Variants in COL19A1 observed in about 807,000 individuals in gnomAD.
The protein encoded by COL19A1 is collagen type XIX alpha 1 chain.
Under a neutral mutation model 190.2 loss-of-function variants are expected in COL19A1, and 159 were observed. The observed-to-expected ratio is 0.84, with a 90% CI of 0.73 to 0.95. The LOEUF (loss-of-function observed/expected upper bound fraction) is 0.95. Among genes scored for constraint, COL19A1 ranks in the 40% least tolerant of loss-of-function variants. COL19A1 has a pLI of 0.00. For synonymous variants in COL19A1, 509 were observed against 458.9 expected (o/e 1.11, Z -1.39); for missense variants, 1,418 against 1,431.9 (o/e 0.99, Z 0.16).
intron 7 of COL19A1, among the ~76,000 whole-genome samples, chr6:69,936,334 A>G (rs1171923284): frequency 1.3e-5 from 2 of 152,068 alleles, no homozygotes; most frequent in Non-Finnish European, 2.9e-5. Context: ...AAAAGAATTT[A>G]TTTTCTACTT....
chr6:70,009,764 G>C (rs1248978090), intron 11 of COL19A1, among the ~76,000 whole-genome samples: 3 of 152,116 alleles, frequency 2.0e-5, no homozygotes, highest in Non-Finnish European at 4.4e-5. Flanking sequence ...GGAAATAATA[G>C]AGTCAAAATG....
chr6:69,894,485 A>C (rs994318226), intron 2 of COL19A1, among the ~76,000 whole-genome samples: 29 of 152,252 alleles, frequency 1.9e-4, no homozygotes, highest in African/African-American at 6.5e-4. Context: ...GATTAAAGTC[A>C]TGTGAACTAA....
chr6:70,104,194 G>A (rs1461873654), intron 16 of COL19A1, among the ~76,000 whole-genome samples: 1 of 152,156 alleles, frequency 6.6e-6, no homozygotes, highest in African/African-American at 2.4e-5. Flanking sequence ...AGCATGAGCT[G>A]GGTGTCTGCA....
At chr6:70,197,170 C>T (rs1162052333) in intron 48 of COL19A1, among the ~76,000 whole-genome samples, 1 of 151,804 alleles carries the variant, frequency 6.6e-6, no homozygotes, top group Non-Finnish European at 1.5e-5. Context: ...CCTGTAATCC[C>T]AGCACTTTGA....
chr6:70,074,802 A>G (rs1781785712), intron 15 of COL19A1, among the ~76,000 whole-genome samples: 1 of 147,304 alleles, frequency 6.8e-6, no homozygotes, highest in Admixed American at 6.6e-5. Flanking sequence ...AAAACTGACA[A>G]TGACCTTTAA....
At chr6:69,953,956 A>G (rs540474657) in intron 9 of COL19A1, among the ~76,000 whole-genome samples, 5 of 152,020 alleles carry the variant, frequency 3.3e-5, no homozygotes, top group Non-Finnish European at 5.9e-5. Flanking sequence ...AAAGACATCT[A>G]TGATTTTAGA....
At chr6:70,059,653 G>T (rs189145453) in intron 14 of COL19A1, 4 of 328,046 alleles carry the variant, frequency 1.2e-5, no homozygotes, top group African/African-American at 6.7e-5. Context: ...GCCAAAAGAG[G>T]TAACAGCCTT....
chr6:70,026,776 G>C (rs750846733), intron 12 of COL19A1, among the ~76,000 whole-genome samples: 2 of 152,156 alleles, frequency 1.3e-5, no homozygotes, highest in East Asian at 3.8e-4. Context: ...GGCTAGTAGA[G>C]TGGGGAATGA....
At chr6:70,162,283 A>C (rs1787856849) in intron 35 of COL19A1, among the ~76,000 whole-genome samples, 2 of 149,642 alleles carry the variant, frequency 1.3e-5, no homozygotes, top group Non-Finnish European at 3.0e-5. Context: ...GAGATAGTCA[A>C]ATGGCACCAC....
intron 2 of COL19A1, among the ~76,000 whole-genome samples, chr6:69,884,415 G>C (rs1314869380): frequency 6.6e-6 from 1 of 151,892 alleles, no homozygotes; most frequent in East Asian, 1.9e-4. Context: ...CTTAAGATTA[G>C]AATGCCTAGC....
intron 11 of COL19A1, among the ~76,000 whole-genome samples, chr6:70,005,807 C>T (rs1269125836): frequency 6.6e-6 from 1 of 152,018 alleles, no homozygotes; most frequent in African/African-American, 2.4e-5. Flanking sequence ...GCCCCCTGCC[C>T]AGGGGCTCAT....
intron 11 of COL19A1, among the ~76,000 whole-genome samples, chr6:70,016,404 A>G (rs1486599105): frequency 1.8e-5 from 2 of 112,414 alleles, no homozygotes; most frequent in Non-Finnish European, 3.3e-5. Context: ...AAAAAAAAAC[A>G]AAACAAAACA....
At chr6:69,928,650 A>G (rs762869463) in intron 5 of COL19A1, among the ~76,000 whole-genome samples, 4 of 152,140 alleles carry the variant, frequency 2.6e-5, no homozygotes, top group Admixed American at 2.0e-4. Flanking sequence ...GGTGTGGACA[A>G]TGGGAGCACC....
chr6:70,154,805 C>T (rs796380793), intron 31 of COL19A1, among the ~76,000 whole-genome samples: 49 of 152,248 alleles, frequency 3.2e-4, no homozygotes, highest in African/African-American at 1.2e-3. Context: ...AATTTGGAGT[C>T]TTATGTTTGA....
At chr6:70,049,819 A>T (rs548863575) in intron 14 of COL19A1, among the ~76,000 whole-genome samples, 1 of 152,274 alleles carries the variant, frequency 6.6e-6, no homozygotes, top group East Asian at 1.9e-4. Context: ...GAAAAATTAT[A>T]TGCAGCAAAG....
intron 4 of COL19A1, among the ~76,000 whole-genome samples, chr6:69,912,051 G>A (rs924956544): frequency 2.6e-5 from 4 of 152,082 alleles, no homozygotes; most frequent in African/African-American, 4.8e-5. Flanking sequence ...CAATGCCAGC[G>A]TTGACCTAGG....
intron 14 of COL19A1, among the ~76,000 whole-genome samples, chr6:70,043,578 G>A (rs1014627173): frequency 1.3e-5 from 2 of 152,186 alleles, no homozygotes; most frequent in Admixed American, 6.5e-5. Context: ...GTGTTAGCAG[G>A]CATGAAAACG....
At chr6:70,177,340 G>C (rs960804398) in intron 42 of COL19A1, among the ~76,000 whole-genome samples, 1 of 151,774 alleles carries the variant, frequency 6.6e-6, no homozygotes, top group East Asian at 1.9e-4. Flanking sequence ...GATAAGATAA[G>C]ATAAAGGCCC....
chr6:70,023,761 A>G (rs1778580146), intron 12 of COL19A1, 81 bp downstream of exon 12: 6 of 1,355,532 alleles, frequency 4.4e-6, no homozygotes, highest in Non-Finnish European at 6.1e-6. Context: ...AGATTTGCCT[A>G]TTTTTGGCAG....
Sources: gnomAD v4.1 joint callset for allele counts (sites outside exome capture counted in the v4.1 genomes callset) on GRCh38, gnomAD v4.1.1 for gene constraint, MANE v1.5 for transcripts, NCBI Gene and HGNC (gene_info 2026-07-23, HGNC 2026-07-21) for gene names.